Variants in COL4A2 observed in about 807,000 individuals in gnomAD.
COL4A2 encodes the protein collagen type IV alpha 2 chain.
In COL4A2, 99 loss-of-function variants were observed where a neutral mutation model predicts 200.2. That is an observed-to-expected ratio of 0.49 (90% CI 0.42 to 0.58). The LOEUF (loss-of-function observed/expected upper bound fraction) is 0.58. Ranked by LOEUF, COL4A2 falls within the 20% of genes least tolerant of loss-of-function variation. The pLI is 0.00. For synonymous variants in COL4A2, 897 were observed against 900.6 expected (o/e 1.00, Z 0.07); for missense variants, 1,950 against 2,314.1 (o/e 0.84, Z 3.23).
At chr13:110,440,522 G>A (rs571096294) in intron 16 of COL4A2, among the ~76,000 whole-genome samples, 12 of 152,220 alleles carry the variant, frequency 7.9e-5, no homozygotes, top group African/African-American at 2.9e-4. Context: ...CTTGAACCTG[G>A]GAGGCAGAGG....
In COL4A2 at chr13:110,508,112, C is replaced by T. The variant is rs569625788; in HGVS notation, c.4772C>T (p.Ser1591Phe). The change falls in exon 47 of 48, where the codon TCT (serine) becomes TTT (phenylalanine). Residue 1591 changes from serine to phenylalanine, a missense_variant. Transcript: ENST00000360467. This position sits in a 1 kb window ranked among gnomAD's most constrained non-coding sequence, Gnocchi z 6.1. ...ATCAAGCCCTACATCAGCCGCTGTT[C>T]TGTGTGTGAGGCCCCGGCCATCGCC... ...DEIKPYISRC[S>F]VCEAPAIAIA... The T allele has an allele frequency of 6.2e-7, 1 of 1,614,148 alleles. No homozygotes were observed. The highest frequency in any genetic ancestry group is 8.5e-7 in the Non-Finnish European group (1 of 1,180,052).
chr13:110,465,910 G>C (rs989684881), intron 25 of COL4A2, 93 bp from the exon 26 acceptor site: 3 of 1,461,190 alleles, frequency 2.1e-6, no homozygotes, highest in African/African-American at 1.4e-5. Context: ...CAACATATAC[G>C]ACACACCTTC....
chr13:110,331,360 G>T (rs9588139), intron 3 of COL4A2, among the ~76,000 whole-genome samples: 19,705 of 152,194 alleles, frequency 0.13, 1,602 homozygotes, highest in African/African-American at 0.23. Context: ...CATCTCAGAT[G>T]TCCAGGCTGT....
intron 30 of COL4A2, among the ~76,000 whole-genome samples, chr13:110,479,121 A>G (rs56023078): frequency 1.3e-5 from 2 of 152,158 alleles, no homozygotes; most frequent in African/African-American, 4.8e-5. Flanking sequence ...CCGGAGGTTC[A>G]GGCTCCTATC....
At position 110,508,285 on chromosome 13, in the gene COL4A2, C is replaced by G; in HGVS notation, c.4881+64C>G. ...CCTGCTGGGGACACAGCAAGAACAG[C>G]TGCCTTTGTGAGAAGAATCAGACAC... On this transcript the variant is annotated intron_variant, in intron 47 of 47. Coordinates refer to ENST00000360467, the MANE Select transcript of COL4A2 (RefSeq NM_001846.4). The surrounding 1 kb of genome is among the most constrained non-coding windows in gnomAD (Gnocchi z 6.1). The G allele has an allele frequency of 6.3e-7, 1 of 1,583,528 alleles. No individual in the cohort carries two copies. Among genetic ancestry groups the G allele is most frequent in the Non-Finnish European group, 8.6e-7 (1 of 1,161,120 alleles).
chr13:110,485,072 C>CCCAGCCCGCA, intron 33 of COL4A2, 45 bp downstream of exon 33: 2 of 1,506,346 alleles, frequency 1.3e-6, no homozygotes, highest in Non-Finnish European at 1.8e-6. Context: ...TCCCTGCCGC[C>CCCAGCCCGCA]CCAGCCCGCA....
At chr13:110,430,743 C>G (rs1230950195) in intron 10 of COL4A2, 136 bp downstream of exon 10, 2 of 1,200,500 alleles carry the variant, frequency 1.7e-6, no homozygotes, top group Non-Finnish European at 1.2e-6. Context: ...CAGAGAACAT[C>G]AAGACAAAAC....
chr13:110,312,603 T>G (rs1885014622), intron 3 of COL4A2, among the ~76,000 whole-genome samples: 1 of 152,214 alleles, frequency 6.6e-6, no homozygotes, highest in African/African-American at 2.4e-5. Context: ...CTCATTCTTT[T>G]TATCTGAAGA....
intron 4 of COL4A2, 54 bp downstream of exon 4, chr13:110,357,606 C>T (rs867377107): frequency 1.4e-5 from 21 of 1,548,076 alleles, no homozygotes; most frequent in African/African-American, 2.7e-5. Flanking sequence ...AGTCATGCCT[C>T]GCTTAACAAC....
intron 3 of COL4A2, among the ~76,000 whole-genome samples, chr13:110,344,385 A>T (rs1054294403): frequency 6.6e-6 from 1 of 152,242 alleles, no homozygotes; most frequent in Non-Finnish European, 1.5e-5. Context: ...TTTGACGACA[A>T]CATTGAGGTT....
chr13:110,438,806 C>CT (rs1881007199), intron 15 of COL4A2, 138 bp downstream of exon 15: 3 of 774,606 alleles, frequency 3.9e-6, no homozygotes, highest in Non-Finnish European at 6.2e-6. Flanking sequence ...CTCCCCACCC[C>CT]CCCCCACACA....
rs568851984 is a variant in COL4A2, at chr13:110,505,160, C to T, written c.4402+896C>T. On this transcript the variant is annotated intron_variant, in intron 45 of 47. Transcript: ENST00000360467. Reference sequence around the variant, plus strand: ...GGGCAGGAGATCGAGACCATCCTGGCTAACACGGTGAAACCCCGTCTCTAC... The same window carrying T: ...GGGCAGGAGATCGAGACCATCCTGGTTAACACGGTGAAACCCCGTCTCTAC... Among the ~76,000 whole-genome samples, 465 of 151,520 alleles carry T rather than the reference C, an allele frequency of 3.1e-3. 3 individuals are homozygous for T. The highest frequency in any genetic ancestry group is 9.5e-3 in the African/African-American group (391 of 41,354).
chr13:110,412,057 T>C (rs1455570024), intron 4 of COL4A2, among the ~76,000 whole-genome samples: 2 of 152,220 alleles, frequency 1.3e-5, no homozygotes, highest in African/African-American at 4.8e-5. Context: ...GCTAATAACC[T>C]GAAACACTCT....
Position 110,506,437 on chromosome 13 carries a change from C to A in COL4A2, c.4425C>A (p.Ser1475Arg). 2 of 1,611,918 alleles carry A rather than the reference C, an allele frequency of 1.2e-6. No individual in the cohort carries two copies. The highest frequency in any genetic ancestry group is 1.7e-6 in the Non-Finnish European group (2 of 1,179,476). The change falls in exon 46 of 48, where the codon AGC becomes AGA. Residue 1475 changes from serine to arginine, a missense_variant. Transcript: ENST00000360467. ...CAGGTGCACCAGGCCGTCCAGGGAG[C>A]CCGGGCCTGCCGGGTATGCCAGGCC... is the stretch of plus-strand genomic sequence containing the variant. ...GQEGAPGRPG[S>R]PGLPGMPGRS...
intron 20 of COL4A2, among the ~76,000 whole-genome samples, chr13:110,455,381 T>C (rs1172137661): frequency 1.3e-5 from 2 of 152,118 alleles, no homozygotes; most frequent in Non-Finnish European, 2.9e-5. Context: ...GGGGCTCCTT[T>C]TTATTCTTTG....
At chr13:110,428,671 C>T (rs1880561837) in intron 7 of COL4A2, 88 bp downstream of exon 7, 1 of 685,784 alleles carries the variant, frequency 1.5e-6, no homozygotes, top group Non-Finnish European at 2.3e-6. Flanking sequence ...CTCCCGCTCA[C>T]TGTGGCCAGA....
At chr13:110,377,451 C>T (rs183220303) in intron 4 of COL4A2, among the ~76,000 whole-genome samples, 2 of 152,328 alleles carry the variant, frequency 1.3e-5, no homozygotes, top group African/African-American at 4.8e-5. Context: ...CACACTCTCC[C>T]TGTATCCATC....
At chr13:110,333,527 G>C (rs1268259130) in intron 3 of COL4A2, among the ~76,000 whole-genome samples, 1 of 152,172 alleles carries the variant, frequency 6.6e-6, no homozygotes, top group Admixed American at 6.5e-5. Flanking sequence ...CTTCATGGGG[G>C]CGATTTCTTG....
Position 110,478,022 on chromosome 13 carries a change from GA to G in COL4A2, c.2446del (p.Met816CysfsTer4). 6.3e-7 allele frequency: 1 copy of G among 1,575,206 alleles called. No homozygotes were observed. The highest frequency in any genetic ancestry group is 8.6e-7 in the Non-Finnish European group (1 of 1,157,314). ...GFRGSQGMPG[M>X]PGLKGQPGLP... The stretch of plus-strand genomic sequence containing the variant: ...CTGCAGGAAGCCAAGGGATGCCTGG[GA>G]TGCCAGGGCTGAAGGGCCAGCCAGG... On this transcript the variant is annotated frameshift_variant, in exon 30 of 48. Transcript: ENST00000360467. LOFTEE classifies it high-confidence loss of function.
Sources: gnomAD v4.1 joint callset for allele counts (sites outside exome capture counted in the v4.1 genomes callset) on GRCh38, gnomAD v4.1.1 for gene constraint, Gnocchi (gnomAD v3.1) non-coding constraint, MANE v1.5 for transcripts, NCBI Gene and HGNC (gene_info 2026-07-23, HGNC 2026-07-21) for gene names.